Variants in LCOR observed in about 807,000 individuals in gnomAD.
LCOR encodes the protein ligand-dependent corepressor.
A neutral mutation model predicts 64.4 loss-of-function variants in LCOR; 14 were observed. The ratio of observed to expected loss-of-function variants is 0.22; its 90% CI spans 0.14 to 0.34. The LOEUF is 0.34. LCOR is among the 10% of genes least tolerant of loss of function. The pLI is 1.00. For synonymous variants in LCOR, 643 were observed against 642.5 expected (o/e 1.00, Z -0.01); for missense variants, 1,686 against 1,765.3 (o/e 0.96, Z 0.80).
chr10:96,871,410 C>T (rs566695300), intron 2 of LCOR, among the ~76,000 whole-genome samples: 13 of 151,246 alleles, frequency 8.6e-5, no homozygotes, highest in Admixed American at 2.6e-4. Flanking sequence ...TTTATTTAGA[C>T]CTTTACTTTT....
Position 96,887,869 on chromosome 10 carries a change from C to G in LCOR, c.-329-19396C>G, listed in dbSNP as rs146521360. Among the ~76,000 whole-genome samples, 880 of 151,302 alleles carry G rather than the reference C, an allele frequency of 5.8e-3. 16 individuals carry two copies. The highest frequency in any genetic ancestry group is 0.02 in the African/African-American group (838 of 41,304). The stretch of plus-strand genomic sequence containing the variant: ...CTAATTTTTGTATTTTTAGTACAGA[C>G]AGCGTTTCACCATGTTGGCCAGGCT... On this transcript the variant is annotated intron_variant, in intron 2 of 7. Coordinates refer to ENST00000421806, the MANE Select transcript of LCOR (RefSeq NM_001346516.2).
At chr10:96,872,441 C>A (rs1000082100) in intron 2 of LCOR, among the ~76,000 whole-genome samples, 1 of 152,178 alleles carries the variant, frequency 6.6e-6, no homozygotes, top group African/African-American at 2.4e-5. Context: ...ACCTGTAGTC[C>A]TGGCGCTTTG....
chr10:96,972,822 A>G (rs1359853124), intron 7 of LCOR, among the ~76,000 whole-genome samples: 1 of 152,134 alleles, frequency 6.6e-6, no homozygotes, highest in Non-Finnish European at 1.5e-5. Context: ...TTCGATTATT[A>G]GTTCATTATT....
At chr10:96,891,482 CTT>C (rs745839487) in intron 2 of LCOR, among the ~76,000 whole-genome samples, 6,660 of 28,338 alleles carry the variant, frequency 0.24, 406 homozygotes, top group African/African-American at 0.37. Context: ...TTTTCTGACT[CTT>C]TTTTTTTTTT....
chr10:96,871,570 G>A (rs927076490), intron 2 of LCOR, among the ~76,000 whole-genome samples: 3 of 148,018 alleles, frequency 2.0e-5, no homozygotes, highest in South Asian at 2.1e-4. Context: ...GAGCCACCAC[G>A]CCTGGCTAAT....
chr10:96,942,865 T>C (rs925041385), intron 4 of LCOR, among the ~76,000 whole-genome samples: 10 of 152,242 alleles, frequency 6.6e-5, no homozygotes, highest in African/African-American at 2.4e-4. Flanking sequence ...AATTCATACA[T>C]TAAAGTGATT....
chr10:96,848,356 A>C (rs1845667152), intron 2 of LCOR, among the ~76,000 whole-genome samples: 1 of 152,284 alleles, frequency 6.6e-6, no homozygotes, highest in Non-Finnish European at 1.5e-5. Flanking sequence ...AAATAACCAC[A>C]CTTTAAAAAC....
At chr10:96,861,433 C>T (rs781256797) in intron 2 of LCOR, among the ~76,000 whole-genome samples, 19 of 152,178 alleles carry the variant, frequency 1.2e-4, no homozygotes, top group Non-Finnish European at 2.5e-4. Flanking sequence ...TTACAATAAT[C>T]ACAATCTTCA....
At position 96,956,867 on chromosome 10, in the gene LCOR, G is replaced by T. The variant is rs371081842; in HGVS notation, c.332+4671G>T. The T allele has an allele frequency of 1.2e-5, 12 of 984,394 alleles. No homozygotes were observed. The African/African-American group carries it at 1.9e-4, about 16-fold the overall frequency. 61.0% of individuals were successfully genotyped at this position (984,394 alleles called of 1,614,324 possible). A position where few individuals can be genotyped will look rare whatever the true frequency, so the allele number is the denominator to read the frequency against. On this transcript the variant is annotated intron_variant, in intron 7 of 7. Coordinates refer to ENST00000421806, the MANE Select transcript of LCOR (RefSeq NM_001346516.2). ...GATGTGCTAACTGAATATCATTGCAGCAACTAGACTAAGATATTCAAGATC... is the reference window on the plus strand; with the variant it reads ...GATGTGCTAACTGAATATCATTGCATCAACTAGACTAAGATATTCAAGATC...
At chr10:96,836,176 C>G (rs1845437720) in intron 2 of LCOR, among the ~76,000 whole-genome samples, 1 of 152,148 alleles carries the variant, frequency 6.6e-6, no homozygotes, top group African/African-American at 2.4e-5. Flanking sequence ...GTAGCTGGAG[C>G]AATTCTAGGA....
intron 7 of LCOR, among the ~76,000 whole-genome samples, chr10:96,969,752 C>G (rs977106796): frequency 6.8e-6 from 1 of 147,566 alleles, no homozygotes; most frequent in Non-Finnish European, 1.5e-5. Context: ...TTCATTTCAA[C>G]AATTTTCTTT....
chr10:96,949,540 A>G (rs150549275), intron 6 of LCOR, among the ~76,000 whole-genome samples: 4 of 152,320 alleles, frequency 2.6e-5, no homozygotes, highest in Non-Finnish European at 2.9e-5. Flanking sequence ...AACAGTTGTC[A>G]CTAATCTTTC....
rs1589355009 is a variant in LCOR at position 96,993,964 on chromosome 10, T to G, written c.*8830T>G. 1 of 152,144 alleles carries G rather than the reference T, an allele frequency of 6.6e-6. No individual in the cohort carries two copies. The highest frequency in any genetic ancestry group is 1.5e-5 in the Non-Finnish European group (1 of 68,034). The allele number at this position is 152,144 out of a possible 1,614,324, so 9.4% of individuals were successfully genotyped here. A position where few individuals can be genotyped will look rare whatever the true frequency, so the allele number is the denominator to read the frequency against. On this transcript the variant is annotated 3_prime_UTR_variant, in exon 8 of 8. Coordinates refer to ENST00000421806, the MANE Select transcript of LCOR (RefSeq NM_001346516.2). ...ACAGCTCTTGCTAAGACCTCTTGCCTTTGCTGGAGAGGTTGCTGTACTTGA... is the reference window on the plus strand; with the variant it reads ...ACAGCTCTTGCTAAGACCTCTTGCCGTTGCTGGAGAGGTTGCTGTACTTGA...
At chr10:96,962,502 G>C (rs1332692228) in intron 7 of LCOR, 1 of 152,036 alleles carries the variant, frequency 6.6e-6, no homozygotes, top group Non-Finnish European at 1.5e-5. Context: ...TAAAATGAGG[G>C]GGGATGATTA....
chr10:96,868,705 A>C (rs923902048), intron 2 of LCOR, among the ~76,000 whole-genome samples: 3 of 152,166 alleles, frequency 2.0e-5, no homozygotes, highest in African/African-American at 7.2e-5. Context: ...GCAGTATTAT[A>C]CTATTCTTTC....
chr10:96,835,157 C>G (rs1845421121), intron 2 of LCOR, among the ~76,000 whole-genome samples: 1 of 152,194 alleles, frequency 6.6e-6, no homozygotes, highest in African/African-American at 2.4e-5. Flanking sequence ...CCTCGGCTTC[C>G]CAAAGTGCTG....
intron 7 of LCOR, among the ~76,000 whole-genome samples, chr10:96,965,304 A>AG (rs1485020936): frequency 5.3e-5 from 8 of 150,730 alleles, no homozygotes; most frequent in Non-Finnish European, 3.0e-5. Context: ...CCACTGCGCC[A>AG]GACTGCTAGT....
Position 96,982,080 on chromosome 10 carries a change from C to T in LCOR, c.1620C>T (p.Phe540=). 6.2e-7 allele frequency: 1 copy of T among 1,614,174 alleles called. No individual in the cohort carries two copies. Among genetic ancestry groups the T allele is most frequent in the African/African-American group, 1.3e-5 (1 of 75,050 alleles). ...SCSALASEAV[F]TPKQTLTIPA... Reference sequence around the variant, plus strand: ...CAGCATTGGCATCAGAGGCAGTTTTCACTCCTAAGCAGACCCTTACAATTC... The same window carrying T: ...CAGCATTGGCATCAGAGGCAGTTTTTACTCCTAAGCAGACCCTTACAATTC... The change falls in exon 8 of 8, where the codon TTC becomes TTT. Residue 540 remains phenylalanine (F), a synonymous_variant. Transcript: ENST00000421806.
chr10:96,988,840 T>G lies in LCOR; in HGVS notation c.*3706T>G, dbSNP rs1350703223. On this transcript the variant is annotated 3_prime_UTR_variant, in exon 8 of 8. Coordinates refer to ENST00000421806, the MANE Select transcript of LCOR (RefSeq NM_001346516.2). ...CGCTTGTTTGTGTAAATAAAATGTG[T>G]TTGGAATATAGCCACACCCATTTTC... 1 of 152,210 alleles carries G rather than the reference T, an allele frequency of 6.6e-6. No homozygotes were observed. The highest frequency in any genetic ancestry group is 1.9e-4 in the East Asian group (1 of 5,194). 9.4% of individuals were successfully genotyped at this position (152,210 alleles called of 1,614,324 possible). A position where few individuals can be genotyped will look rare whatever the true frequency, so the allele number is the denominator to read the frequency against.
Sources: gnomAD v4.1 joint callset for allele counts (sites outside exome capture counted in the v4.1 genomes callset) on GRCh38, gnomAD v4.1.1 for gene constraint, MANE v1.5 for transcripts, NCBI Gene and HGNC (gene_info 2026-07-23, HGNC 2026-07-21) for gene names.